Variants in LRBA observed in about 807,000 individuals in gnomAD.
The protein encoded by LRBA is LPS responsive beige-like anchor protein.
A neutral mutation model predicts 330.0 loss-of-function variants in LRBA; 176 were observed. That is an observed-to-expected ratio of 0.53 (90% CI 0.47 to 0.60). The LOEUF is 0.60. LRBA is among the 20% of genes least tolerant of loss of function. LRBA has a pLI of 0.00. For synonymous variants in LRBA, 1,230 were observed against 1,193.0 expected, an observed-to-expected ratio of 1.03 and a Z score of -0.64; for missense variants, 3,259 against 3,444.8, an observed-to-expected ratio of 0.95 and a Z score of 1.35.
At chr4:150,901,088 A>G (rs969448271) in intron 13 of LRBA, among the ~76,000 whole-genome samples, 13 of 152,096 alleles carry the variant, frequency 8.5e-5, no homozygotes. Flanking sequence ...ACTTGAGGTC[A>G]GGAGTTTAAA....
chr4:150,621,916 G>A (rs1365916797), intron 37 of LRBA, among the ~76,000 whole-genome samples: 1 of 152,180 alleles, frequency 6.6e-6, no homozygotes, highest in Non-Finnish European at 1.5e-5. Flanking sequence ...GTCTAGCATA[G>A]ATAAACTTCC....
chr4:150,373,266 A>G (rs1384627188), intron 47 of LRBA, among the ~76,000 whole-genome samples: 2 of 152,004 alleles, frequency 1.3e-5, no homozygotes, highest in Non-Finnish European at 2.9e-5. Flanking sequence ...ACTATGAGAA[A>G]AAAAAAAGAA....
At chr4:150,885,027 T>C (rs1342552218) in intron 17 of LRBA, among the ~76,000 whole-genome samples, 3 of 151,910 alleles carry the variant, frequency 2.0e-5, no homozygotes, top group South Asian at 2.1e-4. Flanking sequence ...AGGAATTCAC[T>C]ATAGGCATTC....
intron 2 of LRBA, among the ~76,000 whole-genome samples, chr4:150,988,442 T>C (rs1383487491): frequency 1.3e-5 from 2 of 152,092 alleles, no homozygotes; most frequent in African/African-American, 4.8e-5. Flanking sequence ...AACAAACATA[T>C]AGAGGCCATG....
intron 53 of LRBA, 24 bp from the exon 54 acceptor site, chr4:150,286,058 G>C (rs753205439): frequency 6.9e-7 from 1 of 1,455,888 alleles, no homozygotes; most frequent in Non-Finnish European, 9.3e-7. Flanking sequence ...CAGATAAAAA[G>C]AACAAATCAA....
chr4:150,520,105 T>C lies in LRBA; in HGVS notation c.6331-29070A>G, dbSNP rs1185177170. ...AGATAAATACATGGAAGATATTTTCTCCCAGTTTGAGGCTTGCCTAATCAT... is the reference window on the plus strand; with the variant it reads ...AGATAAATACATGGAAGATATTTTCCCCCAGTTTGAGGCTTGCCTAATCAT... On this transcript the variant is annotated intron_variant, in intron 40 of 56. Transcript: ENST00000651943. Among the ~76,000 whole-genome samples, 3 of 152,242 alleles carry C rather than the reference T, an allele frequency of 2.0e-5. No individual in the cohort carries two copies. The East Asian group carries it at 5.8e-4, about 29-fold the overall frequency.
At position 150,942,500 on chromosome 4, in the gene LRBA, T is replaced by C. The variant is rs145793260; in HGVS notation, c.217-13435A>G. ...TCCAGCCGACAGTAAACTAGAATGA[T>C]ACACATCATATTACCAATACAATAT... On this transcript the variant is annotated intron_variant, in intron 2 of 56. Transcript: ENST00000651943. Among the ~76,000 whole-genome samples the C allele has an allele frequency of 4.6e-5, 7 of 152,270 alleles. No individual in the cohort carries two copies. In the East Asian group the frequency reaches 1.3e-3, roughly 29 times the overall value.
chr4:150,435,696 T>G lies in LRBA; in HGVS notation c.6934A>C (p.Thr2312Pro). Residue 2312 changes from threonine to proline, a missense_variant, in exon 46 of 57, where the codon ACT (threonine) becomes CCT (proline). Physicochemically the swap from Thr to Pro is conservative, Grantham distance 38 (BLOSUM62 -1). Transcript: ENST00000651943. ...AWLLRIEPFT[T>P]YFLNLQGGKF... ...CCTCCTTGCAAATTTAGGAAATAAG[T>G]TGTAAAGGGTTCCTAAAAAATAGCA... is the stretch of plus-strand genomic sequence containing the variant. The G allele has an allele frequency of 6.2e-7, 1 of 1,600,130 alleles. No homozygotes were observed. The highest frequency in any genetic ancestry group is 8.5e-7 in the Non-Finnish European group (1 of 1,176,008).
chr4:150,296,668 A>G (rs1729014348), intron 53 of LRBA, among the ~76,000 whole-genome samples: 1 of 141,178 alleles, frequency 7.1e-6, no homozygotes, highest in Non-Finnish European at 1.5e-5. Context: ...TTGCTTCGTA[A>G]AAAAAAAATC....
intron 28 of LRBA, among the ~76,000 whole-genome samples, chr4:150,838,140 G>A (rs1748449125): frequency 6.6e-6 from 1 of 152,190 alleles, no homozygotes. Flanking sequence ...CTGGCTTGTA[G>A]AGTTTCTGCC....
intron 36 of LRBA, among the ~76,000 whole-genome samples, chr4:150,687,028 T>C (rs1339690727): frequency 6.6e-6 from 1 of 152,084 alleles, no homozygotes; most frequent in Non-Finnish European, 1.5e-5. Context: ...ATAAATCACA[T>C]TAAAGGGCTA....
chr4:150,372,064 T>C (rs962498991), intron 47 of LRBA, among the ~76,000 whole-genome samples: 2 of 152,204 alleles, frequency 1.3e-5, no homozygotes, highest in African/African-American at 4.8e-5. Context: ...GATTCAAGTC[T>C]GCATGAACCA....
chr4:150,700,726 T>C (rs775846610), intron 36 of LRBA, among the ~76,000 whole-genome samples: 10 of 151,946 alleles, frequency 6.6e-5, no homozygotes, highest in Non-Finnish European at 1.3e-4. Flanking sequence ...GCCAAAATGT[T>C]TTCTTTCTTT....
chr4:150,650,901 A>G (rs1779644733), intron 37 of LRBA, among the ~76,000 whole-genome samples: 1 of 152,138 alleles, frequency 6.6e-6, no homozygotes, highest in Non-Finnish European at 1.5e-5. Context: ...AGAAACCATC[A>G]TGTCTATTAT....
At chr4:150,624,620 G>A (rs1277692922) in intron 37 of LRBA, among the ~76,000 whole-genome samples, 2 of 151,920 alleles carry the variant, frequency 1.3e-5, no homozygotes, top group African/African-American at 4.8e-5. Context: ...TTATACTAAT[G>A]TTTATACATG....
rs1750517233 is a variant in LRBA, at chr4:150,850,745, G to C, written c.3983C>G (p.Thr1328Arg). ...LLTDLLFSIETDIQMWRSHST... is the reference protein window; with the variant it reads ...LLTDLLFSIERDIQMWRSHST... ...AAACCTTCTCCACATCTGTATATCT[G>C]TTTCTATTGAAAATAATAGATCAGT... Residue 1328 changes from threonine (T) to arginine (R), a missense_variant, in exon 24 of 57, where the codon ACA (threonine) becomes AGA (arginine). Coordinates refer to ENST00000651943, the MANE Select transcript of LRBA (RefSeq NM_001364905.1). 1 of 1,611,420 alleles carries C rather than the reference G, an allele frequency of 6.2e-7. No individual in the cohort carries two copies. The highest frequency in any genetic ancestry group is 1.3e-5 in the African/African-American group (1 of 74,974).
At chr4:150,934,215 A>AT (rs1734820616) in intron 2 of LRBA, among the ~76,000 whole-genome samples, 1 of 152,194 alleles carries the variant, frequency 6.6e-6, no homozygotes, top group Non-Finnish European at 1.5e-5. Flanking sequence ...TTATTCAAAT[A>AT]TTTAACAACT....
At chr4:150,463,645 ATTAG>A (rs1204621493) in intron 44 of LRBA, among the ~76,000 whole-genome samples, 2 of 152,042 alleles carry the variant, frequency 1.3e-5, no homozygotes, top group African/African-American at 4.8e-5. Flanking sequence ...AAGAAAAGGC[ATTAG>A]TTAAAATAAT....
At chr4:150,274,600 T>C (rs989136885) in intron 56 of LRBA, among the ~76,000 whole-genome samples, 2 of 152,100 alleles carry the variant, frequency 1.3e-5, no homozygotes, top group Non-Finnish European at 2.9e-5. Context: ...CAATAAAAAA[T>C]GATAAAGGGG....
Sources: gnomAD v4.1 joint callset for allele counts (sites outside exome capture counted in the v4.1 genomes callset) on GRCh38, gnomAD v4.1.1 for gene constraint, MANE v1.5 for transcripts, NCBI Gene and HGNC (gene_info 2026-07-23, HGNC 2026-07-21) for gene names.